The following SCARB2 variants were observed in gnomAD, a reference collection of about 807,000 sequenced individuals.
SCARB2 encodes scavenger receptor class B member 2, also known as lysosome membrane protein 2.
Under a neutral mutation model 58.6 loss-of-function variants are expected in SCARB2, and 29 were observed. That is an observed-to-expected ratio of 0.49 (90% CI 0.37 to 0.67). The LOEUF (loss-of-function observed/expected upper bound fraction) is 0.67. SCARB2 is among the 30% of genes least tolerant of loss of function. The probability of loss-of-function intolerance (pLI) is 0.00; values close to 1 mark genes in which losing one functional copy is unlikely to be tolerated. For missense variants in SCARB2, 488 were observed against 578.5 expected (o/e 0.84, Z 1.60); for synonymous variants, 195 against 210.1 (o/e 0.93, Z 0.62).
At position 76,180,953 on chromosome 4, in the gene SCARB2, C is replaced by A; in HGVS notation, c.423+1G>T. On this transcript the variant is annotated splice_donor_variant, in intron 3 of 11. Transcript: ENST00000264896. LOFTEE classifies it high-confidence loss of function. ...TTAATGGTATTAAAATGCCTACTTA[C>A]CAATACAGGAATATTTAATGTTCTA... 6.2e-7 allele frequency: 1 copy of A among 1,610,028 alleles called. No homozygotes were observed. Among genetic ancestry groups the A allele is most frequent in the Non-Finnish European group, 8.5e-7 (1 of 1,178,262 alleles).
At chr4:76,201,348 T>C (rs74729661) in intron 1 of SCARB2, among the ~76,000 whole-genome samples, 3,612 of 152,314 alleles carry the variant, frequency 0.024, 121 homozygotes, top group African/African-American at 0.082. Flanking sequence ...TGTTCATTAG[T>C]CTTTAGTGTC....
intron 4 of SCARB2, 174 bp from the exon 5 acceptor site, chr4:76,176,702 A>G: frequency 1.7e-6 from 1 of 581,974 alleles, no homozygotes; most frequent in Non-Finnish European, 3.0e-6. Context: ...GTTACCCTCA[A>G]TAATGAGTGG....
At chr4:76,167,100 G>C (rs1017742139) in intron 9 of SCARB2, among the ~76,000 whole-genome samples, 1 of 152,134 alleles carries the variant, frequency 6.6e-6, no homozygotes, top group Non-Finnish European at 1.5e-5. Context: ...TGAAAAGTCT[G>C]AGCAGGAGAT....
chr4:76,213,241 C>T (rs1156454603), intron 1 of SCARB2, 186 bp downstream of exon 1: 2 of 651,506 alleles, frequency 3.1e-6, no homozygotes, highest in Non-Finnish European at 5.6e-6. Context: ...GGAACAGAGT[C>T]GGCTCCATCC....
chr4:76,206,556 A>G (rs528808901), intron 1 of SCARB2, among the ~76,000 whole-genome samples: 1 of 152,154 alleles, frequency 6.6e-6, no homozygotes, highest in East Asian at 1.9e-4. Flanking sequence ...AAACAAAATC[A>G]TTTCCAAAGA....
chr4:76,217,887 C>T (rs117509006), upstream of SCARB2, among the ~76,000 whole-genome samples: 25 of 152,334 alleles, frequency 1.6e-4, no homozygotes, highest in East Asian at 4.8e-3. Flanking sequence ...TCTTCACAGA[C>T]TCTAAGGGCT....
intron 1 of SCARB2, among the ~76,000 whole-genome samples, chr4:76,222,227 CTTT>C (rs1163710967): frequency 6.9e-6 from 1 of 143,980 alleles, no homozygotes; most frequent in African/African-American, 2.5e-5. Context: ...TTCCTATCTT[CTTT>C]TTTTTTTTTT....
chr4:76,176,600 C>T, intron 4 of SCARB2, 72 bp from the exon 5 acceptor site: 1 of 1,082,556 alleles, frequency 9.2e-7, no homozygotes. Flanking sequence ...GACTATGGTG[C>T]CCAGTTGTTT....
chr4:76,224,076 A>T (rs947785128), intron 1 of SCARB2, among the ~76,000 whole-genome samples: 1 of 152,182 alleles, frequency 6.6e-6, no homozygotes, highest in Non-Finnish European at 1.5e-5. Flanking sequence ...TAGGTATTAA[A>T]CCAGAATGTG....
chr4:76,213,512 G>C lies in SCARB2; in HGVS notation c.32C>G (p.Thr11Arg). ...GGTCACCAGCAGGAGCAGGGACAAC[G>C]TCCCCGCCGTGTAGAAGCAGCATCG... is the stretch of plus-strand genomic sequence containing the variant. MGRCCFYTAG[T>R]LSLLLLVTSV... Residue 11 changes from threonine (T) to arginine (R), a missense_variant, in exon 1 of 12, where the codon ACG becomes AGG. Thr to Arg is a moderately conservative substitution (Grantham distance 71). Transcript: ENST00000264896. 1 of 1,610,314 alleles carries C rather than the reference G, an allele frequency of 6.2e-7. No individual in the cohort carries two copies. The highest frequency in any genetic ancestry group is 1.1e-5 in the South Asian group (1 of 90,310).
intron 1 of SCARB2, among the ~76,000 whole-genome samples, chr4:76,197,214 C>T (rs75009540): frequency 0.023 from 3,498 of 152,294 alleles, 120 homozygotes; most frequent in African/African-American, 0.08. Flanking sequence ...AATTAATACA[C>T]CATGACTCCC....
intron 1 of SCARB2, among the ~76,000 whole-genome samples, chr4:76,198,845 T>A (rs73826392): frequency 6.3e-4 from 84 of 133,754 alleles, no homozygotes; most frequent in African/African-American, 2.4e-3. Context: ...TGAGTGAGTG[T>A]GTGTGTGTGT....
intron 2 of SCARB2, among the ~76,000 whole-genome samples, chr4:76,189,158 C>A (rs6824953): frequency 0.016 from 2,380 of 152,080 alleles, 67 homozygotes; most frequent in African/African-American, 0.055. Context: ...AGTCAGAGAC[C>A]AAAGGACTTG....
intron 1 of SCARB2, among the ~76,000 whole-genome samples, chr4:76,218,968 A>G (rs934152030): frequency 6.6e-6 from 1 of 152,152 alleles, no homozygotes; most frequent in East Asian, 1.9e-4. Flanking sequence ...TATTTTAAGG[A>G]TAAGGAAACT....
At chr4:76,176,722 C>T in intron 4 of SCARB2, 194 bp from the exon 5 acceptor site, 1 of 560,396 alleles carries the variant, frequency 1.8e-6, no homozygotes, top group Non-Finnish European at 3.2e-6. Flanking sequence ...GCTGGGCCCC[C>T]TCCAATCTGT....
intron 1 of SCARB2, among the ~76,000 whole-genome samples, chr4:76,210,803 A>G (rs1253143525): frequency 6.6e-6 from 1 of 152,248 alleles, no homozygotes; most frequent in African/African-American, 2.4e-5. Context: ...GCAGGGTTCA[A>G]GGACAATTAT....
intron 1 of SCARB2, among the ~76,000 whole-genome samples, chr4:76,204,644 G>T (rs933942532): frequency 6.6e-6 from 1 of 152,080 alleles, no homozygotes; most frequent in African/African-American, 2.4e-5. Context: ...GAGCGGGAGG[G>T]GAATATATAT....
rs750006807 is a variant in SCARB2 at position 76,195,859 on chromosome 4, A to G, written c.123T>C (p.Ile41=). 1 of 1,607,720 alleles carries G rather than the reference A, an allele frequency of 6.2e-7. No individual in the cohort carries two copies. Among genetic ancestry groups the G allele is most frequent in the Non-Finnish European group, 8.5e-7 (1 of 1,178,070 alleles). Residue 41 remains isoleucine (I), a synonymous_variant, in exon 2 of 12, where the codon ATT becomes ATC. Transcript: ENST00000264896. The part of the protein sequence containing the change: ...KAVDQSIEKK[I]VLRNGTEAFD... The stretch of plus-strand genomic sequence containing the variant: ...ATGCCTCAGTACCATTCCTTAACAC[A>G]ATTTTCTAGGAAAAAACCAAAAGGA...
chr4:76,210,152 C>CT (rs1733015273), intron 1 of SCARB2, among the ~76,000 whole-genome samples: 1 of 152,176 alleles, frequency 6.6e-6, no homozygotes, highest in Admixed American at 6.5e-5. Context: ...AGGCATTGTG[C>CT]TGGGTGCTTT....
Sources: gnomAD v4.1 joint callset for allele counts (sites outside exome capture counted in the v4.1 genomes callset) on GRCh38, gnomAD v4.1.1 for gene constraint, MANE v1.5 for transcripts, NCBI Gene and HGNC (gene_info 2026-07-23, HGNC 2026-07-21) for gene names.